LRP1B: variants seen among roughly 807,000 people sequenced by gnomAD.
LRP1B encodes LDL receptor related protein 1B, also known as low-density lipoprotein receptor-related protein 1B.
LRP1B carries 217 observed loss-of-function variants against 556.6 expected under a neutral mutation model. The observed-to-expected ratio is 0.39, with a 90% CI of 0.35 to 0.44. The LOEUF is 0.44. LRP1B is among the 20% of genes least tolerant of loss of function. LRP1B has a pLI of 1.00. For missense variants in LRP1B, 5,053 were observed against 5,620.8 expected (o/e 0.90, Z 3.23); for synonymous variants, 2,047 against 1,865.8 (o/e 1.10, Z -2.50).
intron 18 of LRP1B, among the ~76,000 whole-genome samples, chr2:140,963,552 C>T (rs1371908055): frequency 1.3e-5 from 2 of 152,064 alleles, no homozygotes; most frequent in African/African-American, 4.8e-5. Context: ...TATCTGTCAG[C>T]ATCATAAAGA....
chr2:141,687,581 G>C (rs1402291767), intron 2 of LRP1B, among the ~76,000 whole-genome samples: 1 of 151,896 alleles, frequency 6.6e-6, no homozygotes, highest in African/African-American at 2.4e-5. Flanking sequence ...TAAAAGTTTT[G>C]TTTTGGTTTT....
intron 2 of LRP1B, among the ~76,000 whole-genome samples, chr2:141,488,036 A>G (rs890645111): frequency 2.0e-5 from 3 of 152,158 alleles, no homozygotes; most frequent in African/African-American, 7.2e-5. Context: ...TGTGGATGTC[A>G]TTGCTCTCAT....
At chr2:140,454,445 C>T (rs1267675750) in intron 62 of LRP1B, among the ~76,000 whole-genome samples, 1 of 152,162 alleles carries the variant, frequency 6.6e-6, no homozygotes, top group Non-Finnish European at 1.5e-5. Flanking sequence ...GCTACCGGGC[C>T]TGGGCAATTA....
intron 2 of LRP1B, among the ~76,000 whole-genome samples, chr2:141,663,060 A>C (rs1690286109): frequency 6.6e-6 from 1 of 152,228 alleles, no homozygotes; most frequent in Admixed American, 6.5e-5. Context: ...ACTACATGGA[A>C]ATTGAACAAC....
chr2:140,320,888 C>T (rs1573785312), intron 82 of LRP1B, among the ~76,000 whole-genome samples: 1 of 128,868 alleles, frequency 7.8e-6, no homozygotes, highest in Non-Finnish European at 1.8e-5. Flanking sequence ...ACTAAAAATA[C>T]ACACACACAC....
chr2:140,815,342 C>G (rs1255623487), intron 31 of LRP1B, among the ~76,000 whole-genome samples: 2 of 152,028 alleles, frequency 1.3e-5, no homozygotes, highest in African/African-American at 2.4e-5. Flanking sequence ...GGGTCTCACT[C>G]TGTTGCCCGG....
chr2:140,520,284 G>A (rs1262004588), intron 49 of LRP1B, among the ~76,000 whole-genome samples: 2 of 152,036 alleles, frequency 1.3e-5, no homozygotes, highest in Non-Finnish European at 2.9e-5. Context: ...CATAGAAAAG[G>A]ATGAGTTCAT....
chr2:140,287,669 G>T (rs953447554), intron 84 of LRP1B, among the ~76,000 whole-genome samples: 1 of 147,828 alleles, frequency 6.8e-6, no homozygotes, highest in Non-Finnish European at 1.5e-5. Flanking sequence ...AAATCCAAAT[G>T]TAGTCACTTG....
intron 3 of LRP1B, among the ~76,000 whole-genome samples, chr2:141,274,653 T>C (rs543137793): frequency 3.1e-4 from 47 of 152,292 alleles, no homozygotes; most frequent in African/African-American, 1.0e-3. Flanking sequence ...ACTATAAATA[T>C]ATTAAAAATC....
At chr2:142,116,921 T>C (rs1707294270) in intron 1 of LRP1B, among the ~76,000 whole-genome samples, 1 of 152,164 alleles carries the variant, frequency 6.6e-6, no homozygotes, top group Admixed American at 6.6e-5. Flanking sequence ...ATCTCATTTG[T>C]ATCTCAGTAT....
intron 1 of LRP1B, among the ~76,000 whole-genome samples, chr2:141,904,240 G>A (rs1469943996): frequency 6.6e-6 from 1 of 151,878 alleles, no homozygotes; most frequent in African/African-American, 2.4e-5. Context: ...GGCTGTTTAT[G>A]TAGTCCAGGC....
At chr2:141,989,974 C>T (rs1012855534) in intron 1 of LRP1B, among the ~76,000 whole-genome samples, 19 of 152,158 alleles carry the variant, frequency 1.2e-4, no homozygotes, top group African/African-American at 3.1e-4. Flanking sequence ...GTTCATAAGC[C>T]ATTTTATCTT....
At chr2:142,037,802 A>AT (rs377767123) in intron 1 of LRP1B, among the ~76,000 whole-genome samples, 5 of 151,374 alleles carry the variant, frequency 3.3e-5, no homozygotes, top group Admixed American at 6.6e-5. Flanking sequence ...TACCCTAAAC[A>AT]TTTTTTTTAA....
intron 2 of LRP1B, among the ~76,000 whole-genome samples, chr2:141,687,920 T>TACTC (rs199711014): frequency 6.6e-6 from 1 of 151,572 alleles, no homozygotes; most frequent in Non-Finnish European, 1.5e-5. Flanking sequence ...GTCTGCTGGT[T>TACTC]TGGGCAAGTT....
intron 43 of LRP1B, among the ~76,000 whole-genome samples, chr2:140,585,120 A>G (rs546033920): frequency 7.1e-4 from 108 of 152,222 alleles, no homozygotes; most frequent in African/African-American, 2.5e-3. Flanking sequence ...TTATATAGTT[A>G]TCATTCATGT....
intron 7 of LRP1B, among the ~76,000 whole-genome samples, chr2:141,063,881 C>T (rs186156048): frequency 6.6e-6 from 1 of 151,886 alleles, no homozygotes; most frequent in African/African-American, 2.4e-5. Context: ...TGACTTTGGC[C>T]ATGGAGAAAT....
At chr2:140,576,521 C>T (rs182788711) in intron 43 of LRP1B, among the ~76,000 whole-genome samples, 11 of 152,264 alleles carry the variant, frequency 7.2e-5, no homozygotes, top group Admixed American at 2.0e-4. Flanking sequence ...ACAAGACCAT[C>T]GGAATCCAAT....
chr2:141,115,424 T>C (rs148522544), intron 7 of LRP1B, among the ~76,000 whole-genome samples: 23 of 151,348 alleles, frequency 1.5e-4, no homozygotes, highest in African/African-American at 5.3e-4. Context: ...TTCACTTAAA[T>C]AGGACTTTGC....
intron 2 of LRP1B, among the ~76,000 whole-genome samples, chr2:141,789,496 C>T (rs1227636913): frequency 2.6e-5 from 4 of 151,652 alleles, no homozygotes; most frequent in Admixed American, 2.6e-4. Context: ...TGATTGCAAA[C>T]CTTAAGTTTA....
Sources: allele counts gnomAD v4.1 joint callset (sites outside exome capture counted in the v4.1 genomes callset), GRCh38; gene constraint gnomAD v4.1.1; transcripts MANE v1.5; gene names NCBI Gene and HGNC (gene_info 2026-07-23, HGNC 2026-07-21).